The following FAM13B variants were observed in gnomAD, a reference collection of about 807,000 sequenced individuals.
FAM13B encodes the protein family with sequence similarity 13 member B.
FAM13B carries 60 observed loss-of-function variants against 117.3 expected under a neutral mutation model. The observed-to-expected ratio is 0.51, with a 90% CI of 0.42 to 0.63. The LOEUF is 0.63. Among genes scored for constraint, FAM13B ranks in the 30% least tolerant of loss-of-function variants. The pLI is 0.00. For missense variants in FAM13B, 972 were observed against 1,091.9 expected (o/e 0.89, Z 1.55); for synonymous variants, 332 against 356.1 (o/e 0.93, Z 0.76).
intron 5 of FAM13B, among the ~76,000 whole-genome samples, chr5:138,011,415 A>G (rs991307138): frequency 1.3e-5 from 2 of 151,748 alleles, no homozygotes; most frequent in Non-Finnish European, 1.5e-5. Context: ...TCACATATCT[A>G]ATTTTTCTTT....
At chr5:138,016,440 CAT>C (rs780501041) in intron 4 of FAM13B, among the ~76,000 whole-genome samples, 1 of 152,106 alleles carries the variant, frequency 6.6e-6, no homozygotes, top group Non-Finnish European at 1.5e-5. Flanking sequence ...GCTTGGGCAA[CAT>C]AGCAAGATCT....
intron 1 of FAM13B, among the ~76,000 whole-genome samples, chr5:138,024,250 G>A (rs1787561370): frequency 6.6e-6 from 1 of 152,008 alleles, no homozygotes; most frequent in African/African-American, 2.4e-5. Flanking sequence ...CCTAGATTTA[G>A]GGCAGGCCCT....
chr5:138,030,271 G>C (rs1789545762), intron 1 of FAM13B, among the ~76,000 whole-genome samples: 1 of 152,112 alleles, frequency 6.6e-6, no homozygotes, highest in South Asian at 2.1e-4. Context: ...TTTTGAGACA[G>C]GGTCTCACTC....
In FAM13B at chr5:137,958,117, G is replaced by A. The variant is rs528478322; in HGVS notation, c.1441+1499C>T. 1.2e-4 allele frequency among the ~76,000 whole-genome samples: 18 copies of A among 152,334 alleles called. No individual in the cohort carries two copies. In the South Asian group the frequency reaches 3.5e-3, roughly 30 times the overall value. On this transcript the variant is annotated intron_variant, in intron 13 of 23. Coordinates refer to ENST00000689681, the MANE Select transcript of FAM13B (RefSeq NM_001385994.1). ...CTTTGAAGACTCATTTCCTAGCAAT[G>A]CTGCAAGGGATGCTCTGTCGACCAC... is the stretch of plus-strand genomic sequence containing the variant.
chr5:137,945,309 G>A (rs1234961346), intron 20 of FAM13B, among the ~76,000 whole-genome samples: 1 of 152,068 alleles, frequency 6.6e-6, no homozygotes, highest in Non-Finnish European at 1.5e-5. Context: ...ACTATCTAAA[G>A]GTTAATTTGG....
intron 1 of FAM13B, among the ~76,000 whole-genome samples, chr5:138,028,652 G>C (rs1232724650): frequency 6.6e-6 from 1 of 152,176 alleles, no homozygotes; most frequent in South Asian, 2.1e-4. Flanking sequence ...GGATGCTGAG[G>C]TGGGCAGATC....
intron 1 of FAM13B, among the ~76,000 whole-genome samples, chr5:138,048,092 AAAAAAAC>A: frequency 6.6e-6 from 1 of 152,252 alleles, no homozygotes; most frequent in South Asian, 2.1e-4. Context: ...AAAGAAATCC[AAAAAAAC>A]AAAAAACAAA....
intron 10 of FAM13B, among the ~76,000 whole-genome samples, chr5:137,984,785 T>C (rs952502368): frequency 3.9e-5 from 6 of 152,084 alleles, no homozygotes; most frequent in African/African-American, 1.4e-4. Context: ...TTTCTTTTTT[T>C]TGAGATGGAG....
chr5:137,975,373 G>C (rs1170622068), intron 10 of FAM13B, among the ~76,000 whole-genome samples: 3 of 152,192 alleles, frequency 2.0e-5, no homozygotes, highest in Non-Finnish European at 4.4e-5. Flanking sequence ...ATGTGGTCTA[G>C]TTTATGACCA....
chr5:137,969,872 C>G (rs1771482556), intron 10 of FAM13B, among the ~76,000 whole-genome samples: 1 of 151,908 alleles, frequency 6.6e-6, no homozygotes, highest in Non-Finnish European at 1.5e-5. Flanking sequence ...GATGGAAGAT[C>G]AAATGAATGA....
In FAM13B at chr5:138,001,363, G is replaced by C. The variant is rs547348194; in HGVS notation, c.848+5627C>G. ...TATATACTAGGCCCTATGCATTCTA[G>C]GGAAATTTCTCCCTGACTTTCCTTT... On this transcript the variant is annotated intron_variant, in intron 7 of 23. Transcript: ENST00000689681. 2.5e-3 allele frequency among the ~76,000 whole-genome samples: 381 copies of C among 152,236 alleles called. 2 individuals are homozygous for C. The highest frequency in any genetic ancestry group is 8.6e-3 in the African/African-American group (359 of 41,544).
chr5:138,000,762 C>A (rs925690621), intron 7 of FAM13B, among the ~76,000 whole-genome samples: 5 of 151,934 alleles, frequency 3.3e-5, no homozygotes, highest in African/African-American at 1.2e-4. Context: ...GAAACCCCAT[C>A]CCTATTAAGA....
intron 4 of FAM13B, among the ~76,000 whole-genome samples, chr5:138,014,087 C>A (rs1433966495): frequency 1.3e-5 from 2 of 152,208 alleles, no homozygotes; most frequent in Admixed American, 1.3e-4. Context: ...CAAGCAAATG[C>A]CACCACAGCT....
intron 6 of FAM13B, 51 bp downstream of exon 6, chr5:138,010,957 T>TACA: frequency 9.3e-7 from 1 of 1,078,400 alleles, no homozygotes; most frequent in Non-Finnish European, 1.2e-6. Context: ...ATATTATTCT[T>TACA]AAAAAAAAAA....
chr5:138,004,762 C>A (rs1226295343), intron 7 of FAM13B, among the ~76,000 whole-genome samples: 2 of 152,048 alleles, frequency 1.3e-5, no homozygotes, highest in Non-Finnish European at 2.9e-5. Context: ...CACCTGTGGT[C>A]CCAGCTACAC....
chr5:138,006,258 G>A (rs1782547548), intron 7 of FAM13B, among the ~76,000 whole-genome samples: 1 of 152,086 alleles, frequency 6.6e-6, no homozygotes, highest in Admixed American at 6.5e-5. Context: ...AATATCTAGT[G>A]GACTAAATAT....
chr5:138,047,272 C>T (rs1205686640), intron 1 of FAM13B, among the ~76,000 whole-genome samples: 2 of 150,830 alleles, frequency 1.3e-5, no homozygotes, highest in Non-Finnish European at 1.5e-5. Flanking sequence ...TTTGGGAGGC[C>T]GAGGCGGGTG....
chr5:137,975,687 T>C (rs1039667868), intron 10 of FAM13B, among the ~76,000 whole-genome samples: 1 of 152,176 alleles, frequency 6.6e-6, no homozygotes, highest in Non-Finnish European at 1.5e-5. Flanking sequence ...ATATTCTATA[T>C]ATCCCCTTTT....
intron 6 of FAM13B, among the ~76,000 whole-genome samples, chr5:138,010,073 C>T (rs1783590658): frequency 1.3e-5 from 2 of 152,054 alleles, no homozygotes; most frequent in African/African-American, 4.8e-5. Flanking sequence ...CTCCGCCTCC[C>T]AGGTTCAAGC....
Sources: allele counts gnomAD v4.1 joint callset (sites outside exome capture counted in the v4.1 genomes callset), GRCh38; gene constraint gnomAD v4.1.1; transcripts MANE v1.5; gene names NCBI Gene and HGNC (gene_info 2026-07-23, HGNC 2026-07-21).